Variants in RBFOX1 observed in about 807,000 individuals in gnomAD.
The protein encoded by RBFOX1 is RNA binding protein fox-1 homolog 1.
In RBFOX1, 8 loss-of-function variants were observed where a neutral mutation model predicts 57.7. The observed-to-expected ratio is 0.14, with a 90% CI of 0.08 to 0.25. RBFOX1 has a LOEUF of 0.25. Ranked by LOEUF, RBFOX1 falls within the 10% of genes least tolerant of loss-of-function variation. The probability of loss-of-function intolerance (pLI) is 1.00; values close to 1 mark genes in which losing one functional copy is unlikely to be tolerated. For synonymous variants in RBFOX1, 326 were observed against 222.4 expected, an observed-to-expected ratio of 1.47 and a Z score of -4.15; for missense variants, 611 against 548.5, an observed-to-expected ratio of 1.11 and a Z score of -1.14.
intron 2 of RBFOX1, among the ~76,000 whole-genome samples, chr16:5,474,041 G>T (rs917582752): frequency 2.0e-5 from 3 of 152,084 alleles, no homozygotes; most frequent in Admixed American, 6.6e-5. Context: ...TGGAAGTAAG[G>T]AAGGAAGGAA....
At chr16:6,776,911 A>G (rs2079468890) in intron 3 of RBFOX1, among the ~76,000 whole-genome samples, 1 of 152,230 alleles carries the variant, frequency 6.6e-6, no homozygotes, top group African/African-American at 2.4e-5. Flanking sequence ...TTAATTTTTA[A>G]TGGGAAATGT....
At chr16:6,578,846 C>T (rs924102787) in intron 2 of RBFOX1, among the ~76,000 whole-genome samples, 3 of 151,424 alleles carry the variant, frequency 2.0e-5, no homozygotes, top group Non-Finnish European at 4.4e-5. Context: ...AATCTTTGCT[C>T]GAGGCATAAG....
chr16:5,251,086 C>T (rs1447196124), intron 1 of RBFOX1, among the ~76,000 whole-genome samples: 3 of 151,842 alleles, frequency 2.0e-5, no homozygotes, highest in African/African-American at 7.3e-5. Context: ...GTGGGGGGGT[C>T]CCAGCCCCTA....
chr16:6,554,699 C>G (rs1238587456), intron 2 of RBFOX1, among the ~76,000 whole-genome samples: 1 of 151,638 alleles, frequency 6.6e-6, no homozygotes, highest in Non-Finnish European at 1.5e-5. Context: ...AATCTTCAGT[C>G]CATCCTCTGG....
intron 4 of RBFOX1, among the ~76,000 whole-genome samples, chr16:7,151,596 A>T (rs1484096834): frequency 6.6e-6 from 1 of 152,152 alleles, no homozygotes; most frequent in Non-Finnish European, 1.5e-5. Flanking sequence ...GGGATGGGAA[A>T]ATGGAGGGAA....
chr16:5,451,466 G>A (rs2068424045), intron 1 of RBFOX1, among the ~76,000 whole-genome samples: 2 of 152,134 alleles, frequency 1.3e-5, no homozygotes. Context: ...CCCCAACCCT[G>A]CCTTTGAATG....
At chr16:6,879,835 A>G (rs2062569324) in intron 3 of RBFOX1, among the ~76,000 whole-genome samples, 1 of 152,220 alleles carries the variant, frequency 6.6e-6, no homozygotes, top group African/African-American at 2.4e-5. Flanking sequence ...TTAAATTTAC[A>G]AAGAGGTTTG....
intron 4 of RBFOX1, among the ~76,000 whole-genome samples, chr16:7,252,287 T>C (rs2094524876): frequency 6.6e-6 from 1 of 152,234 alleles, no homozygotes; most frequent in South Asian, 2.1e-4. Flanking sequence ...TTTTCCTCCA[T>C]TGACTTGAAG....
chr16:7,025,164 C>A (rs1361384378), intron 3 of RBFOX1, among the ~76,000 whole-genome samples: 1 of 152,136 alleles, frequency 6.6e-6, no homozygotes, highest in Non-Finnish European at 1.5e-5. Context: ...CTGCTGCCTG[C>A]CCATTTTTAT....
At chr16:7,013,917 C>T (rs1437958470) in intron 3 of RBFOX1, among the ~76,000 whole-genome samples, 4 of 152,134 alleles carry the variant, frequency 2.6e-5, no homozygotes, top group Admixed American at 1.3e-4. Context: ...CTCAGCCTCC[C>T]AAAGGGCTGG....
At chr16:5,584,741 G>A (rs996112338) in intron 2 of RBFOX1, among the ~76,000 whole-genome samples, 3 of 152,178 alleles carry the variant, frequency 2.0e-5, no homozygotes, top group South Asian at 2.1e-4. Context: ...TCATTGCACC[G>A]GGGACTGTAG....
intron 3 of RBFOX1, among the ~76,000 whole-genome samples, chr16:5,624,251 G>C (rs867910542): frequency 6.6e-6 from 1 of 152,214 alleles, no homozygotes; most frequent in African/African-American, 2.4e-5. Flanking sequence ...CTAGAGTGCA[G>C]TGGTGTGATC....
At chr16:7,065,831 T>C (rs1437062577) in intron 4 of RBFOX1, among the ~76,000 whole-genome samples, 2 of 152,168 alleles carry the variant, frequency 1.3e-5, no homozygotes, top group Non-Finnish European at 2.9e-5. Flanking sequence ...CCTCTGGTAA[T>C]CACCATTCTA....
chr16:6,378,904 G>A (rs1203753084), intron 2 of RBFOX1, among the ~76,000 whole-genome samples: 1 of 152,278 alleles, frequency 6.6e-6, no homozygotes, highest in East Asian at 1.9e-4. Flanking sequence ...GTTGGAAAGG[G>A]GACAAGGGTG....
At chr16:7,596,367 T>A (rs1401202020) in intron 8 of RBFOX1, among the ~76,000 whole-genome samples, 1 of 146,228 alleles carries the variant, frequency 6.8e-6, no homozygotes, top group Non-Finnish European at 1.5e-5. Context: ...TATTTGTTAA[T>A]TTTTTTTTTA....
chr16:6,432,069 C>T (rs1042109054), intron 2 of RBFOX1, among the ~76,000 whole-genome samples: 1 of 151,960 alleles, frequency 6.6e-6, no homozygotes, highest in South Asian at 2.1e-4. Flanking sequence ...TCAACGGAAC[C>T]TCCTGCCACA....
intron 1 of RBFOX1, among the ~76,000 whole-genome samples, chr16:6,191,358 G>A (rs936899338): frequency 3.9e-5 from 6 of 152,090 alleles, no homozygotes; most frequent in Admixed American, 1.3e-4. Flanking sequence ...CAGAGGAAGG[G>A]GAGGGATGGC....
intron 1 of RBFOX1, among the ~76,000 whole-genome samples, chr16:5,254,303 A>G (rs1274807833): frequency 6.6e-6 from 1 of 152,194 alleles, no homozygotes; most frequent in Non-Finnish European, 1.5e-5. Flanking sequence ...CTCCAACAGC[A>G]GGAGTGAGAG....
intron 1 of RBFOX1, among the ~76,000 whole-genome samples, chr16:5,439,666 C>T (rs2068025679): frequency 6.6e-6 from 1 of 152,064 alleles, no homozygotes; most frequent in Admixed American, 6.5e-5. Flanking sequence ...AGACGGGCCT[C>T]ACTCCTGGCC....
Sources: allele counts gnomAD v4.1 joint callset (sites outside exome capture counted in the v4.1 genomes callset), GRCh38; gene constraint gnomAD v4.1.1; transcripts MANE v1.5; gene names NCBI Gene and HGNC (gene_info 2026-07-23, HGNC 2026-07-21).